PTPN12: variants seen among roughly 807,000 people sequenced by gnomAD.
PTPN12 encodes the protein tyrosine-protein phosphatase non-receptor type 12.
A neutral mutation model predicts 97.6 loss-of-function variants in PTPN12; 29 were observed. The ratio of observed to expected loss-of-function variants is 0.30; its 90% CI spans 0.22 to 0.41. PTPN12 has a LOEUF of 0.41. Among genes scored for constraint, PTPN12 ranks in the 10% least tolerant of loss-of-function variants. The probability of loss-of-function intolerance (pLI) is 1.00; values close to 1 mark genes in which losing one functional copy is unlikely to be tolerated. For missense variants in PTPN12, 819 were observed against 926.0 expected (o/e 0.88, Z 1.50); for synonymous variants, 327 against 300.4 (o/e 1.09, Z -0.91).
At chr7:77,609,424 A>T (rs1214334237) in intron 9 of PTPN12, among the ~76,000 whole-genome samples, 1 of 151,166 alleles carries the variant, frequency 6.6e-6, no homozygotes, top group Non-Finnish European at 1.5e-5. Context: ...TGCACGCGGC[A>T]CCATGCCTGG....
intron 11 of PTPN12, among the ~76,000 whole-genome samples, chr7:77,613,167 G>GTTTTTTTTTTTT (rs576216122): frequency 2.3e-5 from 2 of 88,534 alleles, no homozygotes; most frequent in Non-Finnish European, 4.0e-5. Context: ...TAATTTTTGG[G>GTTTTTTTTTTTT]TTTTTTTTTT....
chr7:77,572,318 A>G (rs943694026), intron 2 of PTPN12, among the ~76,000 whole-genome samples: 1 of 152,072 alleles, frequency 6.6e-6, no homozygotes, highest in Non-Finnish European at 1.5e-5. Context: ...CCCAGGGCCC[A>G]GTGGCTTTTT....
intron 1 of PTPN12, among the ~76,000 whole-genome samples, chr7:77,539,457 AC>A (rs1806844008): frequency 6.6e-6 from 1 of 152,132 alleles, no homozygotes. Flanking sequence ...TTCCCTTTTT[AC>A]TATTGAGAGT....
intron 1 of PTPN12, among the ~76,000 whole-genome samples, chr7:77,538,327 G>C (rs1293486659): frequency 6.6e-6 from 1 of 151,956 alleles, no homozygotes; most frequent in Non-Finnish European, 1.5e-5. Context: ...GTGACTATAG[G>C]TTCAGGGGAT....
At chr7:77,586,853 C>G (rs1787707522) in intron 5 of PTPN12, among the ~76,000 whole-genome samples, 1 of 152,212 alleles carries the variant, frequency 6.6e-6, no homozygotes, top group Admixed American at 6.5e-5. Context: ...AAAGTAGATT[C>G]CATCTCAAGA....
At chr7:77,546,656 G>A (rs1223876735) in intron 1 of PTPN12, among the ~76,000 whole-genome samples, 2 of 152,208 alleles carry the variant, frequency 1.3e-5, no homozygotes, top group Non-Finnish European at 2.9e-5. Flanking sequence ...AGTGTGGACT[G>A]TATTAGTCCA....
At chr7:77,577,550 T>C (rs1787380789) in intron 2 of PTPN12, among the ~76,000 whole-genome samples, 1 of 152,154 alleles carries the variant, frequency 6.6e-6, no homozygotes, top group African/African-American at 2.4e-5. Context: ...CTTACTCCCT[T>C]TCCTTGCTAC....
chr7:77,562,124 G>A (rs1238017703), intron 1 of PTPN12, among the ~76,000 whole-genome samples: 2 of 152,100 alleles, frequency 1.3e-5, no homozygotes, highest in Non-Finnish European at 2.9e-5. Flanking sequence ...TGCAGTCTCG[G>A]CTCACTGCAA....
At chr7:77,546,520 T>G (rs1167564621) in intron 1 of PTPN12, among the ~76,000 whole-genome samples, 2 of 152,236 alleles carry the variant, frequency 1.3e-5, no homozygotes, top group Non-Finnish European at 2.9e-5. Flanking sequence ...ATTATCTCCT[T>G]CCTTCTGAAA....
Position 77,618,580 on chromosome 7 carries a change from C to A in PTPN12, c.1025+15C>A, listed in dbSNP as rs369787091. 6.5e-7 allele frequency: 1 copy of A among 1,537,198 alleles called. No individual in the cohort carries two copies. On this transcript the variant is annotated intron_variant, in intron 12 of 17. Transcript: ENST00000248594. ...AGGACCCGCAGGTATTGTATGTCTT[C>A]GAACATTTTCTTTAAAAGCATACTT...
intron 1 of PTPN12, among the ~76,000 whole-genome samples, chr7:77,551,850 G>A (rs1807493783): frequency 6.6e-6 from 1 of 152,118 alleles, no homozygotes; most frequent in African/African-American, 2.4e-5. Context: ...TAAGAAGTTA[G>A]TATGAGTTTA....
intron 1 of PTPN12, among the ~76,000 whole-genome samples, chr7:77,547,234 T>C (rs1165387746): frequency 4.6e-5 from 7 of 152,212 alleles, no homozygotes; most frequent in African/African-American, 1.7e-4. Context: ...CACTATGCCC[T>C]AGGTACTGTG....
intron 12 of PTPN12, among the ~76,000 whole-genome samples, chr7:77,621,957 T>C (rs1042924498): frequency 3.3e-5 from 5 of 152,146 alleles, no homozygotes; most frequent in African/African-American, 4.8e-5. Context: ...TTCCAATTCT[T>C]TCTGTTTTAT....
Position 77,626,804 on chromosome 7 carries a change from A to C in PTPN12, c.1125A>C (p.Pro375=). The C allele has an allele frequency of 6.2e-7, 1 of 1,614,082 alleles. No individual in the cohort carries two copies. The highest frequency in any genetic ancestry group is 8.5e-7 in the Non-Finnish European group (1 of 1,179,970). ...CACCTTCTCCCCCTTCAGCTTTTCCAACAGTCACTACTGTGTGGCAGGACA... is the reference window on the plus strand; with the variant it reads ...CACCTTCTCCCCCTTCAGCTTTTCCCACAGTCACTACTGTGTGGCAGGACA... ...ILTPSPPSAF[P]TVTTVWQDND... is the part of the protein sequence containing the mutation. Residue 375 remains proline, a synonymous_variant, in exon 13 of 18, where the codon CCA becomes CCC. Coordinates refer to ENST00000248594, the MANE Select transcript of PTPN12 (RefSeq NM_002835.4).
intron 5 of PTPN12, among the ~76,000 whole-genome samples, 195 bp downstream of exon 5, chr7:77,585,776 T>C (rs1208306801): frequency 1.3e-5 from 2 of 152,134 alleles, no homozygotes; most frequent in Non-Finnish European, 2.9e-5. Context: ...TGTAAGTATG[T>C]TTTATCACAC....
intron 1 of PTPN12, among the ~76,000 whole-genome samples, chr7:77,564,882 C>T (rs1303469402): frequency 2.0e-5 from 3 of 149,992 alleles, no homozygotes; most frequent in Non-Finnish European, 3.0e-5. Flanking sequence ...CTCAGCCTTC[C>T]GAGTAGCTTG....
At chr7:77,624,160 G>A (rs1789047524) in intron 12 of PTPN12, among the ~76,000 whole-genome samples, 1 of 151,968 alleles carries the variant, frequency 6.6e-6, no homozygotes, top group African/African-American at 2.4e-5. Flanking sequence ...CCAGCTGCTT[G>A]GGAGGCTAAA....
intron 1 of PTPN12, among the ~76,000 whole-genome samples, chr7:77,557,554 A>C (rs889920664): frequency 6.6e-6 from 1 of 152,176 alleles, no homozygotes; most frequent in African/African-American, 2.4e-5. Context: ...TTATTGTGAT[A>C]AAATGTATTA....
rs1251122826 is a variant in PTPN12 at position 77,638,660 on chromosome 7, T to C, written c.2210T>C (p.Ile737Thr). The C allele has an allele frequency of 1.2e-6, 2 of 1,607,038 alleles. No homozygotes were observed. The highest frequency in any genetic ancestry group is 1.7e-6 in the Non-Finnish European group (2 of 1,177,808). Residue 737 changes from isoleucine (I) to threonine (T), a missense_variant, in exon 17 of 18, where the codon ATA becomes ACA. Ile to Thr is a moderately conservative substitution (Grantham distance 89, BLOSUM62 -1). This residue lies in a region of PTPN12 where 607 missense variants were observed against 577.3 expected (regional missense o/e 1.05). Coordinates refer to ENST00000248594, the MANE Select transcript of PTPN12 (RefSeq NM_002835.4). Reference protein sequence around the residue: ...PAGGIHYEMCIECPPTFSDKR... With the variant: ...PAGGIHYEMCTECPPTFSDKR... ...GGAGGTATTCACTATGAAATGTGCA[T>C]AGAATGTCCACCTACTTTCAGTGAC...
Sources: allele counts gnomAD v4.1 joint callset (sites outside exome capture counted in the v4.1 genomes callset), GRCh38; gene constraint gnomAD v4.1.1; regional missense constraint gnomAD v4.1.1; transcripts MANE v1.5; gene names NCBI Gene and HGNC (gene_info 2026-07-23, HGNC 2026-07-21).